The following NKAIN2 variants were observed in gnomAD, a reference collection of about 807,000 sequenced individuals.
NKAIN2 encodes the protein sodium/potassium-transporting ATPase subunit beta-1-interacting protein 2.
A neutral mutation model predicts 32.6 loss-of-function variants in NKAIN2; 14 were observed. The observed-to-expected ratio is 0.43, with a 90% CI of 0.28 to 0.67. The LOEUF is 0.67. Ranked by LOEUF, NKAIN2 falls within the 30% of genes least tolerant of loss-of-function variation. The probability of loss-of-function intolerance (pLI) is 0.17; values close to 1 mark genes in which losing one functional copy is unlikely to be tolerated. For missense variants in NKAIN2, 198 were observed against 258.3 expected, an observed-to-expected ratio of 0.77 and a Z score of 1.60; for synonymous variants, 80 against 87.2, an observed-to-expected ratio of 0.92 and a Z score of 0.46.
chr6:124,603,400 A>G (rs961404937), intron 3 of NKAIN2, among the ~76,000 whole-genome samples: 1 of 151,838 alleles, frequency 6.6e-6, no homozygotes, highest in Admixed American at 6.6e-5. Flanking sequence ...CTGCATTTCT[A>G]TTTTCATCAT....
At chr6:124,629,168 G>GAAAT (rs1783467089) in intron 3 of NKAIN2, among the ~76,000 whole-genome samples, 1 of 152,150 alleles carries the variant, frequency 6.6e-6, no homozygotes, top group African/African-American at 2.4e-5. Flanking sequence ...TGAAGAGTGA[G>GAAAT]AAATAAGTAC....
At position 123,804,019 on chromosome 6, in the gene NKAIN2, C is replaced by G; in HGVS notation, c.-182C>G. On this transcript the variant is annotated 5_prime_UTR_variant, in exon 1 of 7. Transcript: ENST00000368417. ...GCGCGGCTGGAGCTGCCGCCGCCGC[C>G]GCCGCCGCGCCAGCAGGTCCTAATG... 1.6e-6 allele frequency: 1 copy of G among 625,928 alleles called. No homozygotes were observed. The highest frequency in any genetic ancestry group is 2.8e-5 in the Admixed American group (1 of 36,024). The allele number at this position is 625,928 out of a possible 1,614,324, so 38.8% of individuals were successfully genotyped here.
chr6:124,707,859 G>T (rs1366601601), intron 4 of NKAIN2, among the ~76,000 whole-genome samples: 9 of 152,220 alleles, frequency 5.9e-5, no homozygotes, highest in Non-Finnish European at 8.8e-5. Context: ...GATCCCATCT[G>T]TGAATTTTGT....
chr6:123,841,994 G>A (rs1342245971), intron 1 of NKAIN2, among the ~76,000 whole-genome samples: 1 of 152,152 alleles, frequency 6.6e-6, no homozygotes, highest in Non-Finnish European at 1.5e-5. Context: ...TAGATAATGG[G>A]AAGATTCCAT....
At chr6:124,500,131 A>T (rs1452398418) in intron 3 of NKAIN2, among the ~76,000 whole-genome samples, 1 of 152,204 alleles carries the variant, frequency 6.6e-6, no homozygotes, top group African/African-American at 2.4e-5. Context: ...TGAAAAAACT[A>T]TTTAAATTTG....
chr6:124,475,613 C>G (rs1285449324), intron 3 of NKAIN2, among the ~76,000 whole-genome samples: 1 of 152,126 alleles, frequency 6.6e-6, no homozygotes, highest in African/African-American at 2.4e-5. Context: ...TTCTAAGGTG[C>G]TGATGGGCCA....
intron 3 of NKAIN2, among the ~76,000 whole-genome samples, chr6:124,476,226 G>T (rs1777207189): frequency 3.9e-5 from 6 of 152,020 alleles, no homozygotes. Flanking sequence ...ACTGTCTTTG[G>T]TGTTTACATT....
In NKAIN2 at chr6:123,998,781, A is replaced by AAT. The variant is rs937856433; in HGVS notation, c.54+194539_54+194540dup. Among the ~76,000 whole-genome samples, 13 of 142,164 alleles carry AAT rather than the reference A, an allele frequency of 9.1e-5. No homozygotes were observed. In the South Asian group the frequency reaches 1.6e-3, roughly 17 times the overall value. 93.3% of individuals were successfully genotyped at this position (142,164 alleles called of 152,430 possible). A position where few individuals can be genotyped will look rare whatever the true frequency, so the allele number is the denominator to read the frequency against. ...TGTGTGTGTGTGTGTGTGTGTGGAA[A>AAT]ATATATATATATAGGGTGATGGTAT... On this transcript the variant is annotated intron_variant, in intron 1 of 6. Transcript: ENST00000368417.
At position 124,445,871 on chromosome 6, in the gene NKAIN2, C is replaced by T. The variant is rs146895118; in HGVS notation, c.273+90524C>T. 1.3e-4 allele frequency among the ~76,000 whole-genome samples: 20 copies of T among 152,070 alleles called. 1 individual carries two copies. The highest frequency in any genetic ancestry group is 3.9e-4 in the Admixed American group (6 of 15,272). ...CTTCACTGCCTTTGCTAAAAACATA[C>T]GTGAGATTGCCAGTGGTTCATTCAT... On this transcript the variant is annotated intron_variant, in intron 3 of 6. Coordinates refer to ENST00000368417, the MANE Select transcript of NKAIN2 (RefSeq NM_001040214.3).
intron 3 of NKAIN2, among the ~76,000 whole-genome samples, chr6:124,382,119 A>ATT (rs34315579): frequency 9.9e-5 from 15 of 151,360 alleles, no homozygotes; most frequent in Admixed American, 2.0e-4. Flanking sequence ...GCAATTACCC[A>ATT]TTTTTTTTGC....
intron 4 of NKAIN2, among the ~76,000 whole-genome samples, chr6:124,718,858 C>T (rs1401851250): frequency 6.6e-6 from 1 of 152,062 alleles, no homozygotes; most frequent in Non-Finnish European, 1.5e-5. Flanking sequence ...TGGAGTGCTT[C>T]CTTTCTAAGT....
intron 5 of NKAIN2, among the ~76,000 whole-genome samples, chr6:124,807,125 T>G (rs1314330234): frequency 6.6e-6 from 1 of 151,938 alleles, no homozygotes; most frequent in African/African-American, 2.4e-5. Context: ...AACTCAGCTC[T>G]GCACCAAGTG....
chr6:123,844,753 A>G (rs907605064), intron 1 of NKAIN2, among the ~76,000 whole-genome samples: 93 of 152,340 alleles, frequency 6.1e-4, no homozygotes, highest in African/African-American at 2.2e-3. Flanking sequence ...CAAGGCTAAC[A>G]GATGTGACAA....
At chr6:123,969,502 G>C (rs754112975) in intron 1 of NKAIN2, among the ~76,000 whole-genome samples, 1 of 152,176 alleles carries the variant, frequency 6.6e-6, no homozygotes, top group Non-Finnish European at 1.5e-5. Flanking sequence ...TGAAGGGACC[G>C]TTGCACTAGC....
At chr6:123,815,525 T>C (rs1444300730) in intron 1 of NKAIN2, among the ~76,000 whole-genome samples, 1 of 152,228 alleles carries the variant, frequency 6.6e-6, no homozygotes, top group African/African-American at 2.4e-5. Flanking sequence ...GTTTTTTGTT[T>C]GTTTTTAGCT....
At chr6:123,944,849 C>T (rs1172659310) in intron 1 of NKAIN2, among the ~76,000 whole-genome samples, 1 of 151,828 alleles carries the variant, frequency 6.6e-6, no homozygotes, top group East Asian at 1.9e-4. Context: ...TCATAGCTCT[C>T]GATATGGATA....
chr6:124,782,068 A>G (rs1450313391), intron 4 of NKAIN2, among the ~76,000 whole-genome samples: 1 of 152,136 alleles, frequency 6.6e-6, no homozygotes, highest in East Asian at 1.9e-4. Context: ...CATAAGCATA[A>G]AGCTTATTCC....
At chr6:124,616,956 C>A (rs540335347) in intron 3 of NKAIN2, among the ~76,000 whole-genome samples, 1 of 152,248 alleles carries the variant, frequency 6.6e-6, no homozygotes, top group East Asian at 1.9e-4. Context: ...AAGTGTTCAA[C>A]AGCTCTCTGC....
chr6:124,112,682 A>T (rs1319812898), intron 1 of NKAIN2, among the ~76,000 whole-genome samples: 1 of 152,094 alleles, frequency 6.6e-6, no homozygotes, highest in East Asian at 1.9e-4. Flanking sequence ...TCATTAAGAG[A>T]CTTCCATAAT....
Sources: gnomAD v4.1 joint callset for allele counts (sites outside exome capture counted in the v4.1 genomes callset) on GRCh38, gnomAD v4.1.1 for gene constraint, MANE v1.5 for transcripts, NCBI Gene and HGNC (gene_info 2026-07-23, HGNC 2026-07-21) for gene names.